P4HA1: variants seen among roughly 807,000 people sequenced by gnomAD.
P4HA1 encodes the protein prolyl 4-hydroxylase subunit alpha 1.
A neutral mutation model predicts 72.8 loss-of-function variants in P4HA1; 24 were observed. The observed-to-expected ratio is 0.33, with a 90% CI of 0.24 to 0.46. The LOEUF is 0.46. P4HA1 is among the 20% of genes least tolerant of loss of function. P4HA1 has a pLI of 1.00. For synonymous variants in P4HA1, 201 were observed against 218.8 expected (o/e 0.92, Z 0.72); for missense variants, 446 against 640.6 (o/e 0.70, Z 3.28).
At chr10:73,086,134 A>G (rs1227514691) in intron 1 of P4HA1, among the ~76,000 whole-genome samples, 1 of 152,266 alleles carries the variant, frequency 6.6e-6, no homozygotes, top group Non-Finnish European at 1.5e-5. Context: ...TCCTCAAAAA[A>G]GCTGAACAGA....
chr10:73,050,296 T>A (rs1034976447), intron 7 of P4HA1, among the ~76,000 whole-genome samples: 10 of 151,936 alleles, frequency 6.6e-5, no homozygotes. Flanking sequence ...GCCCCAAACA[T>A]ATGTAATAGT....
chr10:73,034,876 C>T (rs1007328218), intron 9 of P4HA1, among the ~76,000 whole-genome samples: 31 of 152,074 alleles, frequency 2.0e-4, no homozygotes, highest in African/African-American at 5.8e-4. Flanking sequence ...CCACCACACC[C>T]AGCCAAAATA....
intron 10 of P4HA1, among the ~76,000 whole-genome samples, chr10:73,026,126 A>G (rs1473193935): frequency 3.3e-5 from 5 of 152,232 alleles, no homozygotes; most frequent in Non-Finnish European, 5.9e-5. Context: ...ATATGGAACC[A>G]AAAAAGAGCC....
intron 5 of P4HA1, among the ~76,000 whole-genome samples, chr10:73,063,688 A>G (rs898180225): frequency 1.3e-5 from 2 of 152,238 alleles, no homozygotes; most frequent in Non-Finnish European, 2.9e-5. Flanking sequence ...CCACGCAGAT[A>G]GCACCAATAA....
chr10:73,060,106 G>C (rs983051430), intron 5 of P4HA1, among the ~76,000 whole-genome samples: 10 of 152,102 alleles, frequency 6.6e-5, no homozygotes, highest in African/African-American at 2.4e-4. Flanking sequence ...GATTTTGACT[G>C]ATCATATCTA....
chr10:73,036,135 C>T (rs1027070728), intron 9 of P4HA1, among the ~76,000 whole-genome samples: 14 of 147,226 alleles, frequency 9.5e-5, no homozygotes, highest in African/African-American at 3.1e-4. Flanking sequence ...TGCAGTGAGC[C>T]GAGATCACGC....
At chr10:73,050,569 G>A (rs571526845) in intron 7 of P4HA1, among the ~76,000 whole-genome samples, 13 of 151,864 alleles carry the variant, frequency 8.6e-5, no homozygotes, top group East Asian at 1.9e-4. Flanking sequence ...GTATGGTGGC[G>A]GGCACCTGTA....
chr10:73,087,204 T>C (rs1841940653), intron 1 of P4HA1, among the ~76,000 whole-genome samples: 1 of 151,950 alleles, frequency 6.6e-6, no homozygotes, highest in South Asian at 2.1e-4. Context: ...AATAGACATA[T>C]AGTACTATCT....
At chr10:73,050,649 G>A (rs1030517257) in intron 7 of P4HA1, among the ~76,000 whole-genome samples, 10 of 150,908 alleles carry the variant, frequency 6.6e-5, no homozygotes, top group Middle Eastern at 3.4e-3. Flanking sequence ...GCAGTGAGCC[G>A]AGATCATGCC....
At chr10:73,065,884 A>G (rs1037652758) in intron 5 of P4HA1, among the ~76,000 whole-genome samples, 3 of 152,228 alleles carry the variant, frequency 2.0e-5, no homozygotes, top group African/African-American at 7.2e-5. Context: ...ATACCACATT[A>G]GCAGTTAGAT....
Position 73,066,807 on chromosome 10 carries a change from C to T in P4HA1, c.463+2039G>A, listed in dbSNP as rs543468087. ...TGGTTTTATAAGCACCTGGCATTTC[C>T]CCTGCTGGCCCTCATTCTCTTTCCT... On this transcript the variant is annotated intron_variant, in intron 5 of 14. Coordinates refer to ENST00000394890, the MANE Select transcript of P4HA1 (RefSeq NM_001017962.3). 8.0e-4 allele frequency among the ~76,000 whole-genome samples: 122 copies of T among 152,266 alleles called. 1 individual carries two copies. The South Asian group carries it at 0.014, about 17-fold the overall frequency.
intron 1 of P4HA1, among the ~76,000 whole-genome samples, chr10:73,096,439 A>T (rs1027438253): frequency 3.3e-5 from 5 of 151,320 alleles, no homozygotes; most frequent in Non-Finnish European, 7.4e-5. Context: ...AAAAAGCAAC[A>T]GAGTGATTCC....
chr10:73,051,364 G>A, intron 6 of P4HA1, 115 bp from the exon 7 acceptor site: 1 of 616,712 alleles, frequency 1.6e-6, no homozygotes, highest in Non-Finnish European at 2.8e-6. Flanking sequence ...CCAGGTTGCT[G>A]TTGTGAGTGA....
At chr10:73,063,076 A>G (rs972041349) in intron 5 of P4HA1, among the ~76,000 whole-genome samples, 1 of 152,180 alleles carries the variant, frequency 6.6e-6, no homozygotes, top group Non-Finnish European at 1.5e-5. Flanking sequence ...TCCCTTAAAT[A>G]ATTCTCTATC....
intron 9 of P4HA1, among the ~76,000 whole-genome samples, chr10:73,040,496 G>A (rs1372940234): frequency 3.6e-5 from 2 of 55,134 alleles, no homozygotes; most frequent in Non-Finnish European, 7.0e-5. Flanking sequence ...TTTTTTTTTT[G>A]AGATGGATCT....
rs200353831 is a variant in P4HA1 at position 73,014,236 on chromosome 10, T to C, written c.1356A>G (p.Thr452=). The change falls in exon 12 of 15, where the codon ACA becomes ACG. Residue 452 remains threonine, a synonymous_variant. Coordinates refer to ENST00000394890, the MANE Select transcript of P4HA1 (RefSeq NM_001017962.3). ...AGTGACGACTTACATAAAACAGCCA[T>C]GTAGCAATTCTATTTCCTGTCCCCA... is the stretch of plus-strand genomic sequence containing the variant. ...KELGTGNRIA[T]WLFYMSDVSA... 2 of 1,610,534 alleles carry C rather than the reference T, an allele frequency of 1.2e-6. No homozygotes were observed. Among genetic ancestry groups the C allele is most frequent in the African/African-American group, 1.3e-5 (1 of 74,826 alleles).
intron 9 of P4HA1, among the ~76,000 whole-genome samples, chr10:73,038,629 T>TC (rs1420909503): frequency 9.7e-6 from 1 of 102,716 alleles, no homozygotes; most frequent in East Asian, 3.9e-4. Context: ...TTGCTTTTTT[T>TC]TTTTTTTTTT....
At chr10:73,087,908 T>C (rs761176109) in intron 1 of P4HA1, among the ~76,000 whole-genome samples, 8 of 151,982 alleles carry the variant, frequency 5.3e-5, no homozygotes, top group Non-Finnish European at 1.2e-4. Context: ...AATTTCTTAA[T>C]TTTGATGAAG....
intron 5 of P4HA1, among the ~76,000 whole-genome samples, chr10:73,053,836 C>T (rs1023987109): frequency 6.6e-6 from 1 of 152,086 alleles, no homozygotes; most frequent in South Asian, 2.1e-4. Context: ...AAATTATCAG[C>T]CATCATACCA....
Sources: gnomAD v4.1 joint callset for allele counts (sites outside exome capture counted in the v4.1 genomes callset) on GRCh38, gnomAD v4.1.1 for gene constraint, MANE v1.5 for transcripts, NCBI Gene and HGNC (gene_info 2026-07-23, HGNC 2026-07-21) for gene names.